Variants in KCTD8 observed in about 807,000 individuals in gnomAD.
The protein encoded by KCTD8 is BTB/POZ domain-containing protein KCTD8.
Under a neutral mutation model 31.5 loss-of-function variants are expected in KCTD8, and 27 were observed. The observed-to-expected ratio is 0.86, with a 90% CI of 0.63 to 1.18. The LOEUF (loss-of-function observed/expected upper bound fraction) is 1.18. Ranked by LOEUF, KCTD8 falls within the 50% of genes most tolerant of loss-of-function variation. The pLI is 0.00. For synonymous variants in KCTD8, 290 were observed against 280.0 expected (o/e 1.04, Z -0.36); for missense variants, 658 against 647.7 (o/e 1.02, Z -0.17).
chr4:44,414,984 T>C (rs1421060871), intron 1 of KCTD8, among the ~76,000 whole-genome samples: 1 of 152,176 alleles, frequency 6.6e-6, no homozygotes, highest in Non-Finnish European at 1.5e-5. Context: ...TGGAACTTCT[T>C]AGAGACTTGT....
At chr4:44,272,035 G>C (rs1716625415) in intron 1 of KCTD8, among the ~76,000 whole-genome samples, 1 of 151,664 alleles carries the variant, frequency 6.6e-6, no homozygotes, top group African/African-American at 2.4e-5. Flanking sequence ...ATATCTCAGG[G>C]AGTTGAGGGC....
At chr4:44,193,342 C>A (rs1302416801) in intron 1 of KCTD8, among the ~76,000 whole-genome samples, 1 of 152,020 alleles carries the variant, frequency 6.6e-6, no homozygotes, top group East Asian at 1.9e-4. Flanking sequence ...TGAAACTTGA[C>A]AGGTCATATT....
rs1031944682 is a variant in KCTD8 at position 44,289,301 on chromosome 4, T to G, written c.962-114051A>C. Among the ~76,000 whole-genome samples, 6 of 151,760 alleles carry G rather than the reference T, an allele frequency of 4.0e-5. No individual in the cohort carries two copies. The East Asian group carries it at 1.2e-3, about 29-fold the overall frequency. The stretch of plus-strand genomic sequence containing the variant: ...ATATTACCAATAAAATCTCACAATA[T>G]ATTCAAAGAAACAAAAGTATAAGAA... On this transcript the variant is annotated intron_variant, in intron 1 of 1. Coordinates refer to ENST00000360029, the MANE Select transcript of KCTD8 (RefSeq NM_198353.3).
chr4:44,387,037 T>TA (rs1203897512), intron 1 of KCTD8, among the ~76,000 whole-genome samples: 4 of 151,838 alleles, frequency 2.6e-5, no homozygotes, highest in East Asian at 1.9e-4. Context: ...AGTCTCAGGA[T>TA]AAAAAATCAG....
chr4:44,422,466 C>T (rs547794431), intron 1 of KCTD8, among the ~76,000 whole-genome samples: 18 of 152,032 alleles, frequency 1.2e-4, no homozygotes, highest in African/African-American at 4.1e-4. Flanking sequence ...GCCCTTCTCC[C>T]CCATCTTTTA....
chr4:44,380,335 T>C (rs1334010890), intron 1 of KCTD8, among the ~76,000 whole-genome samples: 1 of 149,512 alleles, frequency 6.7e-6, no homozygotes, highest in Admixed American at 6.7e-5. Flanking sequence ...CCACAAAATA[T>C]AGAAGTAAAT....
chr4:44,182,931 C>G (rs1713472671), intron 1 of KCTD8, among the ~76,000 whole-genome samples: 1 of 152,128 alleles, frequency 6.6e-6, no homozygotes, highest in African/African-American at 2.4e-5. Flanking sequence ...ATATTAAGTA[C>G]TTTAAAACAG....
chr4:44,292,705 G>A (rs922610588), intron 1 of KCTD8, among the ~76,000 whole-genome samples: 1 of 151,966 alleles, frequency 6.6e-6, no homozygotes, highest in African/African-American at 2.4e-5. Context: ...ATTACAACTA[G>A]GTATGTTGAG....
chr4:44,367,811 A>G (rs1719680298), intron 1 of KCTD8, among the ~76,000 whole-genome samples: 1 of 151,920 alleles, frequency 6.6e-6, no homozygotes, highest in Admixed American at 6.6e-5. Flanking sequence ...CATCAAAGAT[A>G]CTCATGATTT....
At chr4:44,432,550 G>A (rs1721530296) in intron 1 of KCTD8, among the ~76,000 whole-genome samples, 1 of 151,608 alleles carries the variant, frequency 6.6e-6, no homozygotes, top group Non-Finnish European at 1.5e-5. Flanking sequence ...TACTACTACA[G>A]GTACCTCAGA....
chr4:44,269,170 A>G (rs961536879), intron 1 of KCTD8, among the ~76,000 whole-genome samples: 1 of 152,248 alleles, frequency 6.6e-6, no homozygotes, highest in African/African-American at 2.4e-5. Flanking sequence ...CCAAAACAGC[A>G]TGGTACTGAT....
At chr4:44,291,321 G>A (rs1717265564) in intron 1 of KCTD8, among the ~76,000 whole-genome samples, 1 of 152,086 alleles carries the variant, frequency 6.6e-6, no homozygotes, top group East Asian at 1.9e-4. Flanking sequence ...AGAGGACCCA[G>A]AAATAAAGCC....
intron 1 of KCTD8, among the ~76,000 whole-genome samples, chr4:44,378,798 G>A (rs2109441410): frequency 6.6e-6 from 1 of 152,170 alleles, no homozygotes; most frequent in Non-Finnish European, 1.5e-5. Flanking sequence ...AATAAACTTG[G>A]TATCTTGAAA....
chr4:44,419,811 T>C (rs1459192601), intron 1 of KCTD8, among the ~76,000 whole-genome samples: 2 of 151,676 alleles, frequency 1.3e-5, no homozygotes, highest in Non-Finnish European at 2.9e-5. Context: ...GTAACAAACC[T>C]GCACATTGTG....
At chr4:44,273,634 G>T (rs888158989) in intron 1 of KCTD8, among the ~76,000 whole-genome samples, 1 of 151,834 alleles carries the variant, frequency 6.6e-6, no homozygotes, top group African/African-American at 2.4e-5. Flanking sequence ...TTTATAAATG[G>T]TCATTTCCTA....
intron 1 of KCTD8, among the ~76,000 whole-genome samples, chr4:44,398,756 A>G (rs1393110212): frequency 6.6e-6 from 1 of 152,168 alleles, no homozygotes; most frequent in Non-Finnish European, 1.5e-5. Context: ...GAATGAGCCA[A>G]CTATGTGAAG....
At chr4:44,394,570 T>A (rs1034161990) in intron 1 of KCTD8, among the ~76,000 whole-genome samples, 3 of 152,114 alleles carry the variant, frequency 2.0e-5, no homozygotes, top group Non-Finnish European at 4.4e-5. Flanking sequence ...TTTATTTTGA[T>A]TCCTTAAGAT....
At chr4:44,391,666 G>T in intron 1 of KCTD8, among the ~76,000 whole-genome samples, 1 of 151,744 alleles carries the variant, frequency 6.6e-6, no homozygotes, top group East Asian at 1.9e-4. Flanking sequence ...AAGACTTCCA[G>T]TTAACAGTGG....
intron 1 of KCTD8, among the ~76,000 whole-genome samples, chr4:44,342,659 T>C (rs1718933494): frequency 6.6e-6 from 1 of 152,240 alleles, no homozygotes. Context: ...TTCCTAGCTA[T>C]GAAACTCCTA....
Sources: allele counts gnomAD v4.1 joint callset (sites outside exome capture counted in the v4.1 genomes callset), GRCh38; gene constraint gnomAD v4.1.1; transcripts MANE v1.5; gene names NCBI Gene and HGNC (gene_info 2026-07-23, HGNC 2026-07-21).